AKAP9: variants seen among roughly 807,000 people sequenced by gnomAD.
The protein encoded by AKAP9 is A-kinase anchoring protein 9.
Under a neutral mutation model 488.5 loss-of-function variants are expected in AKAP9, and 311 were observed. The ratio of observed to expected loss-of-function variants is 0.64; its 90% CI spans 0.58 to 0.70. The LOEUF (loss-of-function observed/expected upper bound fraction) is 0.70. Ranked by LOEUF, AKAP9 falls within the 30% of genes least tolerant of loss-of-function variation. AKAP9 has a pLI of 0.00. For synonymous variants in AKAP9, 1,462 were observed against 1,483.5 expected (o/e 0.99, Z 0.33); for missense variants, 4,215 against 4,374.5 (o/e 0.96, Z 1.03).
intron 29 of AKAP9, among the ~76,000 whole-genome samples, 184 bp downstream of exon 29, chr7:92,077,191 G>C (rs960584650): frequency 1.3e-5 from 2 of 149,442 alleles, no homozygotes; most frequent in Non-Finnish European, 3.0e-5. Flanking sequence ...CGCCTCCCTG[G>C]TTCAAGCAAT....
At chr7:92,039,995 C>T (rs1232282048) in intron 17 of AKAP9, among the ~76,000 whole-genome samples, 1 of 151,940 alleles carries the variant, frequency 6.6e-6, no homozygotes, top group Non-Finnish European at 1.5e-5. Context: ...AATAAAATTG[C>T]CAACTCTTTA....
At position 92,098,168 on chromosome 7, in the gene AKAP9, A is replaced by G. The variant is rs776839434; in HGVS notation, c.10667A>G (p.Glu3556Gly). ...DFIWVQENIDEIILQLQKLTG... is the reference protein window; with the variant it reads ...DFIWVQENIDGIILQLQKLTG... ...ATTTGGGTTCAGGAAAATATTGATG[A>G]AATTATTTTACAACTACAGAAATTA... The change falls in exon 43 of 50, where the codon GAA becomes GGA. Residue 3556 changes from glutamate to glycine, a missense_variant. By Grantham distance (98) the Glu-to-Gly change is moderately conservative. Coordinates refer to ENST00000356239, the MANE Select transcript of AKAP9 (RefSeq NM_005751.5). 3 of 1,612,722 alleles carry G rather than the reference A, an allele frequency of 1.9e-6. No individual in the cohort carries two copies. Among genetic ancestry groups the G allele is most frequent in the Non-Finnish European group, 2.5e-6 (3 of 1,178,844 alleles).
intron 16 of AKAP9, 33 bp from the exon 17 acceptor site, chr7:92,038,386 C>G: frequency 6.5e-7 from 1 of 1,529,888 alleles, no homozygotes; most frequent in South Asian, 1.1e-5. Flanking sequence ...ATTTCTAAAT[C>G]TAATCCTTTA....
chr7:92,108,402 CACCTTTTTGGGGA>C, intron 48 of AKAP9, 79 bp from the exon 49 acceptor site: 1 of 1,326,346 alleles, frequency 7.5e-7, no homozygotes, highest in Non-Finnish European at 1.1e-6. Context: ...ACAAGTGACC[CACCTTTTTGGGGA>C]AGGGAGTGGA....
Position 92,002,112 on chromosome 7 carries a change from G to A in AKAP9, c.2195G>A (p.Arg732Lys). 6.3e-7 allele frequency: 1 copy of A among 1,593,010 alleles called. No individual in the cohort carries two copies. Among genetic ancestry groups the A allele is most frequent in the Admixed American group, 1.8e-5 (1 of 54,710 alleles). ...CTTCAAAAAGAAATTGAAATACTCA[G>A]ACAAGAAGAAAAAGAAAAGGGTACA... ...NELQKEIEIL[R>K]QEEKEKGTLE... Residue 732 changes from arginine (R) to lysine (K), a missense_variant, in exon 8 of 50, where the codon AGA (arginine) becomes AAA (lysine). Arg to Lys is a conservative substitution (Grantham distance 26). Around this residue, in one of 5 missense-constraint regions of AKAP9, gnomAD observed 2,361 missense variants for 2,430.0 expected, o/e 0.97. Coordinates refer to ENST00000356239, the MANE Select transcript of AKAP9 (RefSeq NM_005751.5).
chr7:92,105,694 C>T lies in AKAP9; in HGVS notation c.11347C>T (p.Arg3783Ter), dbSNP rs376277241. The change falls in exon 47 of 50, where the codon CGA becomes TGA. Residue 3783 changes from arginine (R) to a stop codon, truncating the protein, a stop_gained. Coordinates refer to ENST00000356239, the MANE Select transcript of AKAP9 (RefSeq NM_005751.5). LOFTEE classifies it high-confidence loss of function. Reference protein sequence around the residue: ...IAISRMKFLVRRWHRVTGSVS... With the variant: ...IAISRMKFLV ...CTTTTTTAGAATGAAATTTTTGGTT[C>T]GACGGTGGCATCGAGTCACAGGTTC... The T allele has an allele frequency of 3.7e-6, 6 of 1,613,878 alleles. No individual in the cohort carries two copies. Among genetic ancestry groups the T allele is most frequent in the Middle Eastern group, 1.6e-4 (1 of 6,074 alleles).
intron 16 of AKAP9, among the ~76,000 whole-genome samples, chr7:92,034,074 G>A (rs1032722842): frequency 6.6e-6 from 1 of 152,174 alleles, no homozygotes; most frequent in Non-Finnish European, 1.5e-5. Context: ...TGGAAGGCCT[G>A]ACTTATGAAG....
chr7:92,082,718 T>C, intron 32 of AKAP9, 56 bp downstream of exon 32: 1 of 1,578,576 alleles, frequency 6.3e-7, no homozygotes, highest in South Asian at 1.1e-5. Context: ...TTAATTACGT[T>C]TCAAAGTATA....
At chr7:91,987,240 A>C (rs188149910) in intron 3 of AKAP9, among the ~76,000 whole-genome samples, 4 of 152,222 alleles carry the variant, frequency 2.6e-5, no homozygotes, top group African/African-American at 9.6e-5. Context: ...CAACATGCTG[A>C]AACCCCATGT....
Position 92,097,624 on chromosome 7 carries a change from TTGGG to T in AKAP9, c.10439_10442del (p.Trp3480PhefsTer6). ...GCTTAACCAGTGATAGAACTAGAAATTGGGTTCTTCAACAGAAAATAGAAGGAGA... is the reference window on the plus strand; with the variant it reads ...GCTTAACCAGTGATAGAACTAGAAATTTCTTCAACAGAAAATAGAAGGAGA... On this transcript the variant is annotated frameshift_variant, in exon 42 of 50. Transcript: ENST00000356239. LOFTEE classifies it high-confidence loss of function. 6.2e-7 allele frequency: 1 copy of T among 1,613,836 alleles called. No individual in the cohort carries two copies. Among genetic ancestry groups the T allele is most frequent in the Non-Finnish European group, 8.5e-7 (1 of 1,180,012 alleles).
At chr7:91,970,741 A>C (rs1171213747) in intron 1 of AKAP9, among the ~76,000 whole-genome samples, 2 of 151,990 alleles carry the variant, frequency 1.3e-5, no homozygotes, top group Admixed American at 1.3e-4. Context: ...TCTTTTATAC[A>C]TTGTTTGCTT....
At position 92,096,915 on chromosome 7, in the gene AKAP9, A is replaced by G. The variant is rs1400955269; in HGVS notation, c.9956A>G (p.Glu3319Gly). ...GAAATGAGTAGTACCCTAGATAGGGAGCGGGAATTGCACGCACAGCTGCAG... is the reference window on the plus strand; with the variant it reads ...GAAATGAGTAGTACCCTAGATAGGGGGCGGGAATTGCACGCACAGCTGCAG... ...IREMSSTLDR[E>G]RELHAQLQSS... The change falls in exon 41 of 50, where the codon GAG (glutamate) becomes GGG (glycine). Residue 3319 changes from glutamate to glycine, a missense_variant. Coordinates refer to ENST00000356239, the MANE Select transcript of AKAP9 (RefSeq NM_005751.5). The G allele has an allele frequency of 1.9e-6, 3 of 1,614,222 alleles. 1 individual carries two copies. The South Asian group carries it at 3.3e-5, about 18-fold the overall frequency.
At chr7:92,104,473 G>A (rs1211242806) in intron 46 of AKAP9, among the ~76,000 whole-genome samples, 2 of 152,128 alleles carry the variant, frequency 1.3e-5, no homozygotes, top group Non-Finnish European at 2.9e-5. Context: ...TTACAGGCGT[G>A]AGCCACTGCA....
intron 36 of AKAP9, 50 bp from the exon 37 acceptor site, chr7:92,086,178 T>C (rs773345509): frequency 6.8e-7 from 1 of 1,463,004 alleles, no homozygotes; most frequent in Non-Finnish European, 9.5e-7. Context: ...TAGAATGTTT[T>C]TAAAACATGC....
rs901386578 is a variant in AKAP9 at position 91,995,979 on chromosome 7, C to T, written c.930+179C>T. 121 of 616,382 alleles carry T rather than the reference C, an allele frequency of 2.0e-4. No individual in the cohort carries two copies. In the Middle Eastern group the frequency reaches 2.6e-3, roughly 13 times the overall value. The allele number at this position is 616,382 out of a possible 1,614,324, so 38.2% of individuals were successfully genotyped here. On this transcript the variant is annotated intron_variant, in intron 7 of 49. Coordinates refer to ENST00000356239, the MANE Select transcript of AKAP9 (RefSeq NM_005751.5). ...GTAATGTAGTTTTTAAGATAATAGTCATTACTGAGTTCCCTAAAAGTGATC... is the reference window on the plus strand; with the variant it reads ...GTAATGTAGTTTTTAAGATAATAGTTATTACTGAGTTCCCTAAAAGTGATC...
chr7:91,996,308 A>G (rs1276488477), intron 7 of AKAP9, among the ~76,000 whole-genome samples: 3 of 152,168 alleles, frequency 2.0e-5, no homozygotes, highest in Non-Finnish European at 4.4e-5. Flanking sequence ...TATTTTACAT[A>G]TATGTGTATC....
At position 92,040,868 on chromosome 7, in the gene AKAP9, G is replaced by A; in HGVS notation, c.4887G>A (p.Glu1629=). The part of the protein sequence containing the change: ...QREDQEQLQE[E]IKRLNRQLAQ... ...AAGACCAGGAACAGCTACAAGAAGA[G>A]ATTAAGAGACTTAATAGACAATTAG... The change falls in exon 18 of 50, where the codon GAG becomes GAA. Residue 1629 remains glutamate (E), a synonymous_variant. Transcript: ENST00000356239. The A allele has an allele frequency of 6.2e-7, 1 of 1,613,672 alleles. No homozygotes were observed. Among genetic ancestry groups the A allele is most frequent in the Non-Finnish European group, 8.5e-7 (1 of 1,179,802 alleles).
At chr7:92,063,536 G>A (rs1048927191) in intron 24 of AKAP9, 46 of 982,586 alleles carry the variant, frequency 4.7e-5, no homozygotes, top group Non-Finnish European at 8.5e-6. Flanking sequence ...ATGTTTGGGT[G>A]GTAGACTTTA....
At chr7:92,078,234 G>T (rs1323755343) in intron 30 of AKAP9, among the ~76,000 whole-genome samples, 5 of 152,048 alleles carry the variant, frequency 3.3e-5, no homozygotes, top group Non-Finnish European at 5.9e-5. Flanking sequence ...CTGATGTCAG[G>T]TGATCCACCC....
Sources: gnomAD v4.1 joint callset for allele counts (sites outside exome capture counted in the v4.1 genomes callset) on GRCh38, gnomAD v4.1.1 for gene constraint, gnomAD v4.1.1 regional missense constraint, MANE v1.5 for transcripts, NCBI Gene and HGNC (gene_info 2026-07-23, HGNC 2026-07-21) for gene names.